ZNF138: variants seen among roughly 807,000 people sequenced by gnomAD.
ZNF138 encodes zinc finger protein 138, also known as zinc finger protein 138 (clone pHZ-32).
In ZNF138, 33 loss-of-function variants were observed where a neutral mutation model predicts 33.0. The observed-to-expected ratio is 1.00, with a 90% CI of 0.76 to 1.34. The LOEUF is 1.34. ZNF138 is among the 40% of genes most tolerant of loss of function. ZNF138 has a pLI of 0.00. For synonymous variants in ZNF138, 139 were observed against 120.4 expected, an observed-to-expected ratio of 1.15 and a Z score of -1.01; for missense variants, 360 against 370.8, an observed-to-expected ratio of 0.97 and a Z score of 0.24.
chr7:64,850,353 C>A, the ZNF138 span, among the ~76,000 whole-genome samples: 1 of 152,366 alleles, frequency 6.6e-6, no homozygotes, highest in East Asian at 1.9e-4. Context: ...TCTTTGGATT[C>A]TCTCAGCTCT....
chr7:64,798,089 C>A (rs767308131), intron 1 of ZNF138, among the ~76,000 whole-genome samples: 4 of 152,030 alleles, frequency 2.6e-5, no homozygotes, highest in African/African-American at 2.4e-5. Flanking sequence ...TACAGCCGCC[C>A]ACCACCATGC....
chr7:64,839,937 C>A, the ZNF138 span, among the ~76,000 whole-genome samples: 1 of 151,668 alleles, frequency 6.6e-6, no homozygotes, highest in African/African-American at 2.4e-5. Context: ...CCAGGGAAGT[C>A]GCACTGTGCC....
chr7:64,831,055 C>G, intron 3 of ZNF138: 1 of 1,551,664 alleles, frequency 6.4e-7, no homozygotes, highest in Non-Finnish European at 8.7e-7. Context: ...TGCAAAAGCA[C>G]CTAGAAGCCA....
chr7:64,829,132 T>C (rs1789880499), intron 3 of ZNF138, among the ~76,000 whole-genome samples: 1 of 152,158 alleles, frequency 6.6e-6, no homozygotes, highest in African/African-American at 2.4e-5. Context: ...AGTGTTCTAT[T>C]GAGGAGAATG....
At chr7:64,815,150 T>C in intron 2 of ZNF138, 106 bp downstream of exon 2, 1 of 1,146,082 alleles carries the variant, frequency 8.7e-7, no homozygotes, top group Non-Finnish European at 1.2e-6. Context: ...CATAAATGAG[T>C]TTCAGATTCC....
intron 2 of ZNF138, 101 bp from the exon 3 acceptor site, chr7:64,815,475 T>A: frequency 1.0e-6 from 1 of 954,542 alleles, no homozygotes; most frequent in Non-Finnish European, 1.5e-6. Context: ...TTCTATTACA[T>A]TCTCTTTACT....
At chr7:64,808,480 C>CA (rs200347947) in intron 1 of ZNF138, among the ~76,000 whole-genome samples, 2,490 of 151,834 alleles carry the variant, frequency 0.016, 66 homozygotes, top group African/African-American at 0.056. Flanking sequence ...TAGATGTGGG[C>CA]AAAAAAAGTG....
chr7:64,839,583 G>A, the ZNF138 span, among the ~76,000 whole-genome samples: 2 of 151,888 alleles, frequency 1.3e-5, no homozygotes, highest in African/African-American at 4.9e-5. Context: ...CTCGGCCAGG[G>A]AGGAATGGAC....
intron 1 of ZNF138, among the ~76,000 whole-genome samples, chr7:64,805,423 C>A (rs539070120): frequency 3.5e-5 from 3 of 85,170 alleles, no homozygotes; most frequent in Non-Finnish European, 6.9e-5. Flanking sequence ...AAAAAAAAAA[C>A]TGAGGCTGAA....
chr7:64,799,559 T>A (rs1046737760), intron 1 of ZNF138, among the ~76,000 whole-genome samples: 2 of 152,236 alleles, frequency 1.3e-5, no homozygotes, highest in Non-Finnish European at 2.9e-5. Flanking sequence ...CTTGTAGAGA[T>A]CTTTCACTTG....
At chr7:64,830,279 T>C (rs948069899) in intron 3 of ZNF138, among the ~76,000 whole-genome samples, 3 of 152,178 alleles carry the variant, frequency 2.0e-5, no homozygotes, top group Non-Finnish European at 4.4e-5. Flanking sequence ...TTGAGCCTTT[T>C]CATTTTTACA....
At chr7:64,846,683 T>A in the ZNF138 span, among the ~76,000 whole-genome samples, 3 of 152,310 alleles carry the variant, frequency 2.0e-5, no homozygotes, top group Admixed American at 2.0e-4. Context: ...GCTTTCTAGG[T>A]ATACAATTAT....
At chr7:64,831,049 A>G in intron 3 of ZNF138, 1 of 1,551,994 alleles carries the variant, frequency 6.4e-7, no homozygotes. Context: ...AGTGTCTGCA[A>G]AAGCACCTAG....
At chr7:64,854,238 C>T in the ZNF138 span, among the ~76,000 whole-genome samples, 1 of 152,098 alleles carries the variant, frequency 6.6e-6, no homozygotes, top group African/African-American at 2.4e-5. Flanking sequence ...CACACACATA[C>T]ATATGTACTT....
the ZNF138 span, among the ~76,000 whole-genome samples, chr7:64,840,787 AT>A: frequency 6.6e-6 from 1 of 152,160 alleles, no homozygotes. Flanking sequence ...AACATACAGA[AT>A]TTTAGTTTTA....
intron 1 of ZNF138, among the ~76,000 whole-genome samples, chr7:64,805,413 A>AAACAAAC (rs113598762): frequency 2.3e-3 from 283 of 123,558 alleles, no homozygotes; most frequent in African/African-American, 6.5e-3. Context: ...AAACAAAACA[A>AAACAAAC]AAAAAAAAAC....
intron 1 of ZNF138, among the ~76,000 whole-genome samples, chr7:64,806,269 A>C (rs1787588169): frequency 6.6e-6 from 1 of 152,216 alleles, no homozygotes; most frequent in Non-Finnish European, 1.5e-5. Flanking sequence ...TTGTATCTAT[A>C]GTACTCTATA....
downstream of ZNF138, among the ~76,000 whole-genome samples, chr7:64,838,411 T>C (rs995574469): frequency 2.4e-4 from 1 of 4,182 alleles, no homozygotes; most frequent in Non-Finnish European, 0.025. Context: ...GGGCACCGGC[T>C]GGCCGTGTCC....
intron 1 of ZNF138, among the ~76,000 whole-genome samples, chr7:64,796,572 T>C (rs1457698690): frequency 6.6e-6 from 1 of 152,234 alleles, no homozygotes; most frequent in Non-Finnish European, 1.5e-5. Context: ...AATCATATAT[T>C]CTATTTGTTA....
Sources: allele counts gnomAD v4.1 joint callset (sites outside exome capture counted in the v4.1 genomes callset), GRCh38; gene constraint gnomAD v4.1.1; transcripts MANE v1.5; gene names NCBI Gene and HGNC (gene_info 2026-07-23, HGNC 2026-07-21).